The following SNX29 variants were observed in gnomAD, a reference collection of about 807,000 sequenced individuals.
SNX29 encodes sorting nexin-29.
In SNX29, 78 loss-of-function variants were observed where a neutral mutation model predicts 102.1. The observed-to-expected ratio is 0.76, with a 90% CI of 0.64 to 0.92. The LOEUF (loss-of-function observed/expected upper bound fraction) is 0.92. Ranked by LOEUF, SNX29 falls within the 40% of genes least tolerant of loss-of-function variation. SNX29 has a pLI of 0.00. For missense variants in SNX29, 1,280 were observed against 1,061.7 expected, an observed-to-expected ratio of 1.21 and a Z score of -2.86; for synonymous variants, 580 against 414.5, an observed-to-expected ratio of 1.40 and a Z score of -4.85.
At chr16:12,081,433 T>C (rs2051871213) in intron 11 of SNX29, 1 of 152,128 alleles carries the variant, frequency 6.6e-6, no homozygotes. Context: ...GCCATCAGGA[T>C]GCTCTTTATG....
At chr16:12,031,762 G>A (rs1380795416) in intron 4 of SNX29, among the ~76,000 whole-genome samples, 2 of 151,894 alleles carry the variant, frequency 1.3e-5, no homozygotes, top group Admixed American at 6.6e-5. Flanking sequence ...CCGAGATCGC[G>A]CCACTGCACT....
chr16:12,480,890 T>G (rs1328521448), intron 19 of SNX29, among the ~76,000 whole-genome samples: 1 of 152,126 alleles, frequency 6.6e-6, no homozygotes, highest in African/African-American at 2.4e-5. Flanking sequence ...TTGTTTGGTT[T>G]TTTGGAGGCA....
At chr16:12,539,793 G>C (rs1310713228) in intron 20 of SNX29, among the ~76,000 whole-genome samples, 1 of 152,200 alleles carries the variant, frequency 6.6e-6, no homozygotes, top group East Asian at 1.9e-4. Flanking sequence ...ATGATGTTGA[G>C]CATATTTTCA....
rs116186572 is a variant in SNX29 at position 12,231,949 on chromosome 16, C to T, written c.1678+32266C>T. 5.0e-3 allele frequency among the ~76,000 whole-genome samples: 766 copies of T among 152,282 alleles called. 5 individuals carry two copies. The highest frequency in any genetic ancestry group is 0.018 in the African/African-American group (731 of 41,568). On this transcript the variant is annotated intron_variant, in intron 14 of 20. Coordinates refer to ENST00000566228, the MANE Select transcript of SNX29 (RefSeq NM_032167.5). Reference sequence around the variant, plus strand: ...GCTCATTTCCTTGGCCTATGTGTTTCAGGGGTTTTTCCTCTGGGTTATGTG... The same window carrying T: ...GCTCATTTCCTTGGCCTATGTGTTTTAGGGGTTTTTCCTCTGGGTTATGTG...
intron 20 of SNX29, among the ~76,000 whole-genome samples, chr16:12,538,035 G>A (rs866422329): frequency 6.6e-6 from 1 of 151,312 alleles, no homozygotes; most frequent in Non-Finnish European, 1.5e-5. Flanking sequence ...AAATCGTCCT[G>A]TCCTGCTAAA....
At position 12,410,405 on chromosome 16, in the gene SNX29, A is replaced by G. The variant is rs574221965; in HGVS notation, c.2037+6876A>G. Among the ~76,000 whole-genome samples the G allele has an allele frequency of 2.2e-4, 34 of 152,160 alleles. No individual in the cohort carries two copies. In the South Asian group the frequency reaches 2.3e-3, roughly 10 times the overall value. On this transcript the variant is annotated intron_variant, in intron 18 of 20. Coordinates refer to ENST00000566228, the MANE Select transcript of SNX29 (RefSeq NM_032167.5). ...CTTGTTCAGTATCTGAACTCTTCCC[A>G]TCTCCCATCCTGCAGAACAAAATCA...
At chr16:12,198,558 C>G (rs1330842969) in intron 13 of SNX29, among the ~76,000 whole-genome samples, 1 of 152,140 alleles carries the variant, frequency 6.6e-6, no homozygotes, top group Non-Finnish European at 1.5e-5. Context: ...AGACTCAAGA[C>G]CTGAGGTGTA....
intron 18 of SNX29, among the ~76,000 whole-genome samples, chr16:12,436,600 T>C (rs1265156857): frequency 1.3e-5 from 2 of 152,232 alleles, no homozygotes; most frequent in East Asian, 3.9e-4. Flanking sequence ...GGAAGGACTC[T>C]TCAGGGTCCT....
chr16:12,289,323 T>C (rs2151055719), intron 15 of SNX29, among the ~76,000 whole-genome samples: 2 of 152,350 alleles, frequency 1.3e-5, no homozygotes, highest in South Asian at 4.1e-4. Flanking sequence ...CTCCTCTCCC[T>C]TGGCCTCTCA....
intron 14 of SNX29, among the ~76,000 whole-genome samples, chr16:12,263,307 T>C (rs1025723232): frequency 6.6e-6 from 1 of 152,140 alleles, no homozygotes; most frequent in Non-Finnish European, 1.5e-5. Flanking sequence ...TTTATATTTT[T>C]AGTAGAGACG....
chr16:12,376,622 G>A (rs994431491), intron 16 of SNX29, among the ~76,000 whole-genome samples: 15 of 149,788 alleles, frequency 1.0e-4, no homozygotes, highest in African/African-American at 3.7e-4. Flanking sequence ...TATAATCCCA[G>A]CTACTCAGGA....
intron 19 of SNX29, among the ~76,000 whole-genome samples, chr16:12,482,782 A>G (rs933743643): frequency 1.3e-5 from 2 of 152,238 alleles, no homozygotes; most frequent in Admixed American, 1.3e-4. Context: ...CTACAATGCC[A>G]TCATTGGTGA....
intron 20 of SNX29, among the ~76,000 whole-genome samples, chr16:12,539,445 C>G (rs987987381): frequency 6.6e-6 from 1 of 152,162 alleles, no homozygotes; most frequent in African/African-American, 2.4e-5. Flanking sequence ...TATTACTGAG[C>G]AGAGTTTGGT....
intron 18 of SNX29, among the ~76,000 whole-genome samples, chr16:12,451,753 A>T (rs936509067): frequency 6.6e-6 from 1 of 152,188 alleles, no homozygotes. Context: ...AGTCCCAGCT[A>T]CTAGGGAGGC....
intron 20 of SNX29, among the ~76,000 whole-genome samples, chr16:12,555,834 A>AC (rs1407379087): frequency 6.6e-6 from 1 of 152,078 alleles, no homozygotes; most frequent in East Asian, 1.9e-4. Flanking sequence ...CAGCTGACTG[A>AC]CCAACCCCCC....
intron 18 of SNX29, among the ~76,000 whole-genome samples, chr16:12,476,909 G>T (rs2087681445): frequency 6.6e-6 from 1 of 151,754 alleles, no homozygotes; most frequent in Non-Finnish European, 1.5e-5. Flanking sequence ...GACACTCATG[G>T]AGTGTAAATT....
intron 3 of SNX29, among the ~76,000 whole-genome samples, chr16:12,018,735 CT>C (rs930079286): frequency 4.7e-5 from 7 of 148,802 alleles, no homozygotes; most frequent in African/African-American, 1.7e-4. Context: ...ATCTTTTACA[CT>C]TTTTTTTGTC....
chr16:12,487,846 C>A (rs536140681), intron 19 of SNX29, among the ~76,000 whole-genome samples: 41 of 152,244 alleles, frequency 2.7e-4, no homozygotes, highest in Middle Eastern at 3.4e-3. Context: ...TGCCAACCAC[C>A]ATGTAAATAT....
At chr16:12,421,718 C>T (rs1030930842) in intron 18 of SNX29, among the ~76,000 whole-genome samples, 3 of 152,120 alleles carry the variant, frequency 2.0e-5, no homozygotes. Flanking sequence ...AGTTCCCCTC[C>T]TCCTTCCTCC....
Sources: allele counts gnomAD v4.1 joint callset (sites outside exome capture counted in the v4.1 genomes callset), GRCh38; gene constraint gnomAD v4.1.1; transcripts MANE v1.5; gene names NCBI Gene and HGNC (gene_info 2026-07-23, HGNC 2026-07-21).